ITGA3: variants seen among roughly 807,000 people sequenced by gnomAD.
ITGA3 encodes the protein integrin alpha-3.
In ITGA3, 70 loss-of-function variants were observed where a neutral mutation model predicts 131.1. That is an observed-to-expected ratio of 0.53 (90% confidence interval 0.44 to 0.65). The LOEUF is 0.65. ITGA3 is among the 30% of genes least tolerant of loss of function. The pLI is 0.00. For synonymous variants in ITGA3, 537 were observed against 571.6 expected (o/e 0.94, Z 0.86); for missense variants, 1,098 against 1,388.6 (o/e 0.79, Z 3.33).
At chr17:50,059,022 A>G (rs1907959288) in intron 1 of ITGA3, among the ~76,000 whole-genome samples, 1 of 152,204 alleles carries the variant, frequency 6.6e-6, no homozygotes, top group Admixed American at 6.5e-5. Context: ...TTCTCCATTC[A>G]TAAGGCCTCA....
Position 50,074,508 on chromosome 17 carries a change from C to T in ITGA3, c.1443C>T (p.Asp481=), listed in dbSNP as rs752089474. The T allele has an allele frequency of 1.9e-6, 3 of 1,613,650 alleles. No individual in the cohort carries two copies. Among genetic ancestry groups the T allele is most frequent in the Non-Finnish European group, 1.7e-6 (2 of 1,179,608 alleles). Residue 481 remains aspartate (D), a synonymous_variant, in exon 10 of 26, where the codon GAC becomes GAT. Coordinates refer to ENST00000320031, the MANE Select transcript of ITGA3 (RefSeq NM_002204.4). ...TGGTGCCCAGGCCAGCTGTGCTGGACCCTGCACTTTGCACGGCCACCTCTT... is the reference window on the plus strand; with the variant it reads ...TGGTGCCCAGGCCAGCTGTGCTGGATCCTGCACTTTGCACGGCCACCTCTT... ...KTLVPRPAVL[D]PALCTATSCV...
chr17:50,080,332 A>C lies in ITGA3; in HGVS notation c.2777A>C (p.Asn926Thr). Reference protein sequence around the residue: ...CPIPDAPVVTNVTVKARVWNS... With the variant: ...CPIPDAPVVTTVTVKARVWNS... The stretch of plus-strand genomic sequence containing the variant: ...ATCCCTGATGCCCCCGTTGTCACCA[A>C]CGTGACTGTGAAGGCACGAGTGTGG... The change falls in exon 22 of 26, where the codon AAC (asparagine) becomes ACC (threonine). Residue 926 changes from asparagine (N) to threonine (T), a missense_variant. Around this residue, in one of 3 missense-constraint regions of ITGA3, gnomAD observed 699 missense variants for 829.2 expected, o/e 0.84. Transcript: ENST00000320031. 6.2e-7 allele frequency: 1 copy of C among 1,613,608 alleles called. No homozygotes were observed. The highest frequency in any genetic ancestry group is 1.7e-5 in the Admixed American group (1 of 60,004).
chr17:50,084,230 CAAAAA>C (rs61103198), intron 23 of ITGA3, among the ~76,000 whole-genome samples: 3 of 26,990 alleles, frequency 1.1e-4, no homozygotes, highest in South Asian at 2.8e-3. Flanking sequence ...GACTCTGTCT[CAAAAA>C]AAAAAAAAAA....
rs1329076059 is a variant in ITGA3, at chr17:50,081,111, C to G, written c.2821-199C>G. ...GTTGTCCCCAGCATCCAGCACAGGA[C>G]CTGACGCAGAAATGAATGAACAAAT... On this transcript the variant is annotated intron_variant, in intron 22 of 25. Transcript: ENST00000320031. 3 of 558,134 alleles carry G rather than the reference C, an allele frequency of 5.4e-6. No homozygotes were observed. The South Asian group carries it at 6.5e-5, about 12-fold the overall frequency. 34.6% of individuals were successfully genotyped at this position (558,134 alleles called of 1,614,324 possible).
intron 21 of ITGA3, among the ~76,000 whole-genome samples, chr17:50,079,801 C>T (rs1909100747): frequency 6.6e-6 from 1 of 152,226 alleles, no homozygotes; most frequent in Non-Finnish European, 1.5e-5. Flanking sequence ...CAAGGAACCC[C>T]AGCCTGTTGG....
rs745385761 is a variant in ITGA3, at chr17:50,056,656, C to A, written c.206+11C>A. ...GCAGCAGCGCTACCTGTAAGTGAAGCTGGAGGGTGTGGGGTGGGAGCGAGA... is the reference window on the plus strand; with the variant it reads ...GCAGCAGCGCTACCTGTAAGTGAAGATGGAGGGTGTGGGGTGGGAGCGAGA... On this transcript the variant is annotated intron_variant, in intron 1 of 25. Transcript: ENST00000320031. This position sits in a 1 kb window ranked among gnomAD's most constrained non-coding sequence, Gnocchi z 5.6. The A allele has an allele frequency of 4.1e-5, 65 of 1,595,130 alleles. No homozygotes were observed. Among genetic ancestry groups the A allele is most frequent in the Non-Finnish European group, 5.1e-5 (60 of 1,172,452 alleles).
Position 50,056,317 on chromosome 17 carries a change from C to T in ITGA3, c.-123C>T, listed in dbSNP as rs1408614362. 5 of 627,542 alleles carry T rather than the reference C, an allele frequency of 8.0e-6. No homozygotes were observed. The highest frequency in any genetic ancestry group is 3.9e-5 in the African/African-American group (2 of 50,818). The allele number at this position is 627,542 out of a possible 1,614,324, so 38.9% of individuals were successfully genotyped here. A position where few individuals can be genotyped will look rare whatever the true frequency, so the allele number is the denominator to read the frequency against. ...GGGGGCACGAAACCGATCAGCGCTA[C>T]GGAGCGCAGCGGCCGGCGGGTTCCA... On this transcript the variant is annotated 5_prime_UTR_variant, in exon 1 of 26. It adds an upstream start codon to the 5' untranslated region. Transcript: ENST00000320031. The surrounding 1 kb of genome is among the most constrained non-coding windows in gnomAD (Gnocchi z 5.6).
intron 4 of ITGA3, among the ~76,000 whole-genome samples, chr17:50,069,680 A>T (rs958793800): frequency 6.6e-6 from 1 of 152,074 alleles, no homozygotes; most frequent in African/African-American, 2.4e-5. Context: ...AACTAAATAA[A>T]TATCGCTACT....
chr17:50,058,865 G>A (rs970538962), intron 1 of ITGA3, among the ~76,000 whole-genome samples: 10 of 152,210 alleles, frequency 6.6e-5, no homozygotes, highest in Admixed American at 1.3e-4. Flanking sequence ...TGGAAAAGTG[G>A]GATGGTTCGT....
At chr17:50,085,187 G>T (rs1227430660) in intron 23 of ITGA3, among the ~76,000 whole-genome samples, 1 of 148,582 alleles carries the variant, frequency 6.7e-6, no homozygotes. Context: ...GGGCGACAGA[G>T]TGAGACTGTC....
Position 50,064,493 on chromosome 17 carries a change from G to A in ITGA3, c.335-35G>A, listed in dbSNP as rs768997679. 1 of 1,586,462 alleles carries A rather than the reference G, an allele frequency of 6.3e-7. No homozygotes were observed. Among genetic ancestry groups the A allele is most frequent in the South Asian group, 1.2e-5 (1 of 85,794 alleles). On this transcript the variant is annotated intron_variant, in intron 2 of 25. Transcript: ENST00000320031. This position sits in a 1 kb window ranked among gnomAD's most constrained non-coding sequence, Gnocchi z 4.4. ...ACTTTGGGCACTGAAGTATGGGTGA[G>A]GTGCTCTGATTCATGATCCTTCCGG...
intron 24 of ITGA3, 75 bp downstream of exon 24, chr17:50,087,944 C>A (rs1909536025): frequency 2.7e-6 from 4 of 1,477,284 alleles, no homozygotes; most frequent in African/African-American, 2.8e-5. Flanking sequence ...ACCCACGTCT[C>A]CCCATCCTGG....
At chr17:50,081,124 T>A (rs1567704226) in intron 22 of ITGA3, 186 bp from the exon 23 acceptor site, 1 of 569,400 alleles carries the variant, frequency 1.8e-6, no homozygotes, top group Non-Finnish European at 3.2e-6. Flanking sequence ...GACGCAGAAA[T>A]GAATGAACAA....
Position 50,073,922 on chromosome 17 carries a change from C to T in ITGA3, c.1163C>T (p.Ala388Val). 6.2e-7 allele frequency: 1 copy of T among 1,613,850 alleles called. No homozygotes were observed. Among genetic ancestry groups the T allele is most frequent in the Non-Finnish European group, 8.5e-7 (1 of 1,179,722 alleles). The change falls in exon 8 of 26, where the codon GCT (alanine) becomes GTT (valine). Residue 388 changes from alanine to valine, a missense_variant. By Grantham distance (64) the Ala-to-Val change is moderately conservative (BLOSUM62 0). Coordinates refer to ENST00000320031, the MANE Select transcript of ITGA3 (RefSeq NM_002204.4). ...CTTGCCTTTTCTTCTGCAGATATTG[C>T]TGTGGGAGCTCCGTTTGAAGGCTTG... Reference protein sequence around the residue: ...DINQDGFQDIAVGAPFEGLGK... With the variant: ...DINQDGFQDIVVGAPFEGLGK...
rs1567700315 is a variant in ITGA3 at position 50,073,950 on chromosome 17, CA to C, written c.1194del (p.Val399CysfsTer18). The part of the protein sequence containing the change: ...AVGAPFEGLG[K>X]VYIYHSSSKG... ...TGGGAGCTCCGTTTGAAGGCTTGGG[CA>C]AAGTGTACATCTATCACAGTAGCTC... is the stretch of plus-strand genomic sequence containing the variant. On this transcript the variant is annotated frameshift_variant, in exon 8 of 26. Coordinates refer to ENST00000320031, the MANE Select transcript of ITGA3 (RefSeq NM_002204.4). LOFTEE classifies it high-confidence loss of function. 1 of 1,614,114 alleles carries C rather than the reference CA, an allele frequency of 6.2e-7. No individual in the cohort carries two copies. The highest frequency in any genetic ancestry group is 1.7e-5 in the Admixed American group (1 of 60,012).
At position 50,080,206 on chromosome 17, in the gene ITGA3, A is replaced by G. The variant is rs1909119525; in HGVS notation, c.2707-56A>G. 3.7e-6 allele frequency: 4 copies of G among 1,083,310 alleles called. No individual in the cohort carries two copies. In the African/African-American group the frequency reaches 6.2e-5, roughly 17 times the overall value. The allele number at this position is 1,083,310 out of a possible 1,614,324, so 67.1% of individuals were successfully genotyped here. ...AGGGGCGGGAGGTAAGGAGCAAGGC[A>G]TGAAGAATCTGGAGACTCAGACTAT... On this transcript the variant is annotated intron_variant, in intron 21 of 25. Transcript: ENST00000320031.
At position 50,089,304 on chromosome 17, in the gene ITGA3, C is replaced by T; in HGVS notation, c.*226C>T. ...CCCACCCCCTCCTCCCCCAGTGTCC[C>T]CTTTCTTCCTATTTATCATAAGTTA... On this transcript the variant is annotated 3_prime_UTR_variant, in exon 26 of 26. Transcript: ENST00000320031. 6.3e-7 allele frequency: 1 copy of T among 1,575,358 alleles called. No homozygotes were observed. Among genetic ancestry groups the T allele is most frequent in the South Asian group, 1.1e-5 (1 of 89,904 alleles).
Position 50,056,481 on chromosome 17 carries a change from G to T in ITGA3, c.42G>T (p.Leu14=), listed in dbSNP as rs1188366367. The T allele has an allele frequency of 6.5e-7, 1 of 1,549,224 alleles. No homozygotes were observed. Among genetic ancestry groups the T allele is most frequent in the East Asian group, 2.4e-5 (1 of 40,894 alleles). ...GCCGCGCGCCCCGCGCCCCACGCCT[G>T]ATGCTCTGTGCGCTCGCCTTGATGG... ...GPSRAPRAPR[L]MLCALALMVA... Residue 14 remains leucine, a synonymous_variant, in exon 1 of 26, where the codon CTG becomes CTT. Coordinates refer to ENST00000320031, the MANE Select transcript of ITGA3 (RefSeq NM_002204.4). The surrounding 1 kb of genome is among the most constrained non-coding windows in gnomAD (Gnocchi z 5.6).
rs144656495 is a variant in ITGA3, at chr17:50,069,199, C to T, written c.664+894C>T. Among the ~76,000 whole-genome samples the T allele has an allele frequency of 6.9e-3, 1,045 of 152,176 alleles. 6 individuals are homozygous for T. Among genetic ancestry groups the T allele is most frequent in the Non-Finnish European group, 0.011 (775 of 68,004 alleles). On this transcript the variant is annotated intron_variant, in intron 4 of 25. Transcript: ENST00000320031. ...GGCAAGTATTATTATATCCATTTTACAAAAACAAAAACTAAGACTTAGAGA... is the reference window on the plus strand; with the variant it reads ...GGCAAGTATTATTATATCCATTTTATAAAAACAAAAACTAAGACTTAGAGA...
Sources: allele counts gnomAD v4.1 joint callset (sites outside exome capture counted in the v4.1 genomes callset), GRCh38; gene constraint gnomAD v4.1.1; regional missense constraint gnomAD v4.1.1; non-coding constraint Gnocchi (gnomAD v3.1); transcripts MANE v1.5; gene names NCBI Gene and HGNC (gene_info 2026-07-23, HGNC 2026-07-21).